Variants in GPATCH8 observed in about 807,000 individuals in gnomAD.
GPATCH8 encodes the protein G patch domain-containing protein 8.
In GPATCH8, 18 loss-of-function variants were observed where a neutral mutation model predicts 118.3. The ratio of observed to expected loss-of-function variants is 0.15; its 90% CI spans 0.11 to 0.23. The LOEUF (loss-of-function observed/expected upper bound fraction) is 0.23. GPATCH8 is among the 10% of genes least tolerant of loss of function. The probability of loss-of-function intolerance (pLI) is 1.00; values close to 1 mark genes in which losing one functional copy is unlikely to be tolerated. For missense variants in GPATCH8, 1,631 were observed against 1,873.8 expected, an observed-to-expected ratio of 0.87 and a Z score of 2.39; for synonymous variants, 659 against 684.7, an observed-to-expected ratio of 0.96 and a Z score of 0.59.
chr17:44,447,250 G>A (rs2050921379), intron 3 of GPATCH8, among the ~76,000 whole-genome samples: 1 of 151,890 alleles, frequency 6.6e-6, no homozygotes, highest in Admixed American at 6.6e-5. Context: ...TACCTCCTGG[G>A]TTCAAGCAAT....
At chr17:44,416,897 T>C (rs1277929192) in intron 6 of GPATCH8, among the ~76,000 whole-genome samples, 2 of 152,200 alleles carry the variant, frequency 1.3e-5, no homozygotes, top group Admixed American at 6.5e-5. Flanking sequence ...GACCTTGGAA[T>C]TAAATAAGAC....
chr17:44,445,715 A>G (rs572579468), intron 3 of GPATCH8: 7 of 152,276 alleles, frequency 4.6e-5, no homozygotes, highest in Non-Finnish European at 7.3e-5. Flanking sequence ...CATGTTGGCC[A>G]GGCTGGCCTC....
At chr17:44,415,943 T>C (rs1336352031) in intron 6 of GPATCH8, among the ~76,000 whole-genome samples, 1 of 152,228 alleles carries the variant, frequency 6.6e-6, no homozygotes, top group Non-Finnish European at 1.5e-5. Context: ...AGTGTCTGTT[T>C]TGAGGGTTAC....
At chr17:44,408,353 T>C (rs932043298) in intron 6 of GPATCH8, among the ~76,000 whole-genome samples, 1 of 152,194 alleles carries the variant, frequency 6.6e-6, no homozygotes, top group African/African-American at 2.4e-5. Flanking sequence ...ACCCGGCTGA[T>C]TTTTTATATT....
intron 2 of GPATCH8, among the ~76,000 whole-genome samples, chr17:44,467,502 T>C (rs551125683): frequency 1.4e-4 from 22 of 152,302 alleles, no homozygotes; most frequent in Admixed American, 1.2e-3. Flanking sequence ...TAAATCCACT[T>C]TCTCAGGGAC....
chr17:44,447,872 T>C (rs926948191), intron 3 of GPATCH8, among the ~76,000 whole-genome samples: 4 of 152,164 alleles, frequency 2.6e-5, no homozygotes, highest in Admixed American at 2.0e-4. Context: ...TTTAAATCAC[T>C]ATGCAGAACG....
chr17:44,482,147 C>T (rs1005189431), intron 1 of GPATCH8, among the ~76,000 whole-genome samples: 2 of 151,156 alleles, frequency 1.3e-5, no homozygotes, highest in Non-Finnish European at 2.9e-5. Context: ...CATGTTCTCA[C>T]TCTTAAGTGG....
intron 2 of GPATCH8, among the ~76,000 whole-genome samples, chr17:44,473,052 T>C (rs1431271682): frequency 6.6e-6 from 1 of 152,032 alleles, no homozygotes; most frequent in Admixed American, 6.6e-5. Flanking sequence ...AAATACAAGA[T>C]ACTGTCTAGC....
At chr17:44,464,115 C>A (rs990930205) in intron 3 of GPATCH8, among the ~76,000 whole-genome samples, 1 of 151,986 alleles carries the variant, frequency 6.6e-6, no homozygotes, top group Non-Finnish European at 1.5e-5. Flanking sequence ...ATACTGAAGC[C>A]AGAATACATT....
At chr17:44,454,301 A>G (rs1170533363) in intron 3 of GPATCH8, among the ~76,000 whole-genome samples, 1 of 151,644 alleles carries the variant, frequency 6.6e-6, no homozygotes, top group Non-Finnish European at 1.5e-5. Context: ...TACCTTGCCT[A>G]ATTTTTAGAA....
At chr17:44,426,025 T>C (rs1481035787) in intron 5 of GPATCH8, among the ~76,000 whole-genome samples, 1 of 152,166 alleles carries the variant, frequency 6.6e-6, no homozygotes, top group Non-Finnish European at 1.5e-5. Context: ...AAGCTCTTTA[T>C]AGAACCTGAA....
chr17:44,494,264 A>G (rs775029393), intron 1 of GPATCH8, among the ~76,000 whole-genome samples: 8 of 152,042 alleles, frequency 5.3e-5, no homozygotes, highest in Non-Finnish European at 1.0e-4. Context: ...CCCCACTCCC[A>G]GAAGTCCTCA....
intron 3 of GPATCH8, among the ~76,000 whole-genome samples, chr17:44,455,538 A>C (rs1035486174): frequency 6.6e-6 from 1 of 152,064 alleles, no homozygotes; most frequent in Non-Finnish European, 1.5e-5. Flanking sequence ...TTAAATGAGC[A>C]TATTAATATC....
At chr17:44,492,327 C>T (rs1969312967) in intron 1 of GPATCH8, among the ~76,000 whole-genome samples, 1 of 145,542 alleles carries the variant, frequency 6.9e-6, no homozygotes, top group Non-Finnish European at 1.5e-5. Flanking sequence ...CCCGTAACCC[C>T]AGCACTTTGG....
intron 6 of GPATCH8, among the ~76,000 whole-genome samples, chr17:44,408,361 A>G (rs2049310249): frequency 6.6e-6 from 1 of 151,772 alleles, no homozygotes; most frequent in African/African-American, 2.4e-5. Flanking sequence ...GATTTTTTAT[A>G]TTTTTAGTAG....
At chr17:44,490,674 T>C (rs971327682) in intron 1 of GPATCH8, among the ~76,000 whole-genome samples, 1 of 151,772 alleles carries the variant, frequency 6.6e-6, no homozygotes, top group African/African-American at 2.4e-5. Flanking sequence ...AAAAAAGTAT[T>C]AGATTTTAAA....
chr17:44,409,977 T>A (rs762623174), intron 6 of GPATCH8, among the ~76,000 whole-genome samples: 1 of 152,198 alleles, frequency 6.6e-6, no homozygotes, highest in African/African-American at 2.4e-5. Context: ...TATAAAGTAT[T>A]CTCGTATCTT....
chr17:44,481,832 T>C (rs748897390), intron 1 of GPATCH8, among the ~76,000 whole-genome samples: 3 of 152,162 alleles, frequency 2.0e-5, no homozygotes, highest in Non-Finnish European at 4.4e-5. Context: ...TTAAAATTCA[T>C]AGAACTAGGC....
intron 1 of GPATCH8, among the ~76,000 whole-genome samples, chr17:44,483,216 T>TAC (rs1555646882): frequency 2.3e-5 from 2 of 87,608 alleles, no homozygotes; most frequent in East Asian, 4.5e-4. Context: ...TATATATATA[T>TAC]ACAGCCTACC....
Sources: allele counts gnomAD v4.1 joint callset (sites outside exome capture counted in the v4.1 genomes callset), GRCh38; gene constraint gnomAD v4.1.1; transcripts MANE v1.5; gene names NCBI Gene and HGNC (gene_info 2026-07-23, HGNC 2026-07-21).